The following OSBPL6 variants were observed in gnomAD, a reference collection of about 807,000 sequenced individuals.
OSBPL6 encodes oxysterol binding protein like 6, also known as oxysterol-binding protein-related protein 6.
In OSBPL6, 49 loss-of-function variants were observed where a neutral mutation model predicts 125.8. That is an observed-to-expected ratio of 0.39 (90% CI 0.31 to 0.49). The LOEUF is 0.49. Ranked by LOEUF, OSBPL6 falls within the 20% of genes least tolerant of loss-of-function variation. The probability of loss-of-function intolerance (pLI) is 0.88; values close to 1 mark genes in which losing one functional copy is unlikely to be tolerated. For synonymous variants in OSBPL6, 394 were observed against 391.8 expected, an observed-to-expected ratio of 1.01 and a Z score of -0.07; for missense variants, 986 against 1,135.4, an observed-to-expected ratio of 0.87 and a Z score of 1.89.
intron 2 of OSBPL6, among the ~76,000 whole-genome samples, chr2:178,291,962 T>C (rs1364438512): frequency 6.6e-6 from 1 of 152,068 alleles, no homozygotes; most frequent in Non-Finnish European, 1.5e-5. Flanking sequence ...TGACTTTTAT[T>C]TTAGGTTCAG....
intron 1 of OSBPL6, among the ~76,000 whole-genome samples, chr2:178,267,365 A>C (rs536514373): frequency 1.3e-4 from 20 of 151,314 alleles, no homozygotes; most frequent in Admixed American, 7.9e-4. Context: ...AAAAAAAAAA[A>C]AAAAAAAAAA....
At position 178,397,464 on chromosome 2, in the gene OSBPL6, T is replaced by C. The variant is rs1280239604; in HGVS notation, c.*1905T>C. Reference sequence around the variant, plus strand: ...TTCTGCTCATTCATCTTGATGTTCTTTTTCTGCATCCTGAGATACATGTCG... The same window carrying C: ...TTCTGCTCATTCATCTTGATGTTCTCTTTCTGCATCCTGAGATACATGTCG... On this transcript the variant is annotated 3_prime_UTR_variant, in exon 25 of 25. Coordinates refer to ENST00000190611, the MANE Select transcript of OSBPL6 (RefSeq NM_032523.4). 6.6e-6 allele frequency: 1 copy of C among 152,224 alleles called. No individual in the cohort carries two copies. Among genetic ancestry groups the C allele is most frequent in the Non-Finnish European group, 1.5e-5 (1 of 68,040 alleles). 9.4% of individuals were successfully genotyped at this position (152,224 alleles called of 1,614,324 possible). A position where few individuals can be genotyped will look rare whatever the true frequency, so the allele number is the denominator to read the frequency against.
At chr2:178,225,286 G>C (rs181372102) in intron 1 of OSBPL6, among the ~76,000 whole-genome samples, 16 of 151,904 alleles carry the variant, frequency 1.1e-4, no homozygotes, top group Admixed American at 9.8e-4. Context: ...AAAAAAGGCT[G>C]TGACTCACTG....
rs1486427511 is a variant in OSBPL6, at chr2:178,398,142, A to G, written c.*2583A>G. Reference sequence around the variant, plus strand: ...GTTATAAAATGAAGAGACTTACTCTATTGGAATTTTCATCTACGTAGTATT... The same window carrying G: ...GTTATAAAATGAAGAGACTTACTCTGTTGGAATTTTCATCTACGTAGTATT... On this transcript the variant is annotated 3_prime_UTR_variant, in exon 25 of 25. Coordinates refer to ENST00000190611, the MANE Select transcript of OSBPL6 (RefSeq NM_032523.4). 1 of 152,204 alleles carries G rather than the reference A, an allele frequency of 6.6e-6. No individual in the cohort carries two copies. Among genetic ancestry groups the G allele is most frequent in the Non-Finnish European group, 1.5e-5 (1 of 68,022 alleles). The allele number at this position is 152,204 out of a possible 1,614,324, so 9.4% of individuals were successfully genotyped here. A position where few individuals can be genotyped will look rare whatever the true frequency, so the allele number is the denominator to read the frequency against.
chr2:178,242,090 C>T (rs552224630), intron 1 of OSBPL6, among the ~76,000 whole-genome samples: 1 of 152,288 alleles, frequency 6.6e-6, no homozygotes, highest in African/African-American at 2.4e-5. Context: ...AGACATTTCT[C>T]AGAACATATC....
chr2:178,222,203 T>C lies in OSBPL6; in HGVS notation c.-351+27529T>C, dbSNP rs142893589. 5.5e-3 allele frequency among the ~76,000 whole-genome samples: 835 copies of C among 152,300 alleles called. 8 individuals carry two copies. Among genetic ancestry groups the C allele is most frequent in the African/African-American group, 0.019 (797 of 41,554 alleles). On this transcript the variant is annotated intron_variant, in intron 1 of 24. Coordinates refer to ENST00000190611, the MANE Select transcript of OSBPL6 (RefSeq NM_032523.4). ...CACCAGCCTGGTTTACAGGAATTGA[T>C]GCTGGTGATGTAATTTTAATCCTTG...
At chr2:178,211,556 T>A (rs541264654) in intron 1 of OSBPL6, among the ~76,000 whole-genome samples, 4 of 152,336 alleles carry the variant, frequency 2.6e-5, no homozygotes, top group African/African-American at 9.6e-5. Context: ...CCTTATTTCC[T>A]GACCTCAGCC....
intron 1 of OSBPL6, among the ~76,000 whole-genome samples, chr2:178,261,146 CAAACA>C (rs957167654): frequency 6.6e-6 from 1 of 151,664 alleles, no homozygotes; most frequent in Non-Finnish European, 1.5e-5. Context: ...CAAAACAATA[CAAACA>C]AAACAAAACA....
chr2:178,366,185 C>A (rs1692809093), intron 13 of OSBPL6, among the ~76,000 whole-genome samples: 1 of 152,224 alleles, frequency 6.6e-6, no homozygotes, highest in Non-Finnish European at 1.5e-5. Context: ...AACCACTGCA[C>A]CCAGCTTATG....
chr2:178,305,144 G>C (rs533873886), intron 2 of OSBPL6, among the ~76,000 whole-genome samples: 197 of 152,250 alleles, frequency 1.3e-3, no homozygotes, highest in Non-Finnish European at 2.4e-3. Context: ...GCATTAAGAT[G>C]GGGGCTAGAA....
chr2:178,307,192 T>C (rs1212358590), intron 3 of OSBPL6, among the ~76,000 whole-genome samples: 1 of 152,194 alleles, frequency 6.6e-6, no homozygotes, highest in Non-Finnish European at 1.5e-5. Context: ...ACCTAGATTC[T>C]AGGAGTGTGA....
At position 178,401,234 on chromosome 2, in the gene OSBPL6, C is replaced by T. The variant is rs149585194; in HGVS notation, c.*5675C>T. 7.9e-5 allele frequency: 12 copies of T among 152,332 alleles called. No homozygotes were observed. Among genetic ancestry groups the T allele is most frequent in the African/African-American group, 2.9e-4 (12 of 41,566 alleles). 9.4% of individuals were successfully genotyped at this position (152,332 alleles called of 1,614,324 possible). On this transcript the variant is annotated 3_prime_UTR_variant, in exon 25 of 25. Transcript: ENST00000190611. Reference sequence around the variant, plus strand: ...GAAATGATATTTTGATGATGATGATCAGGGAAGTAGCCTATGCTGATTTAT... The same window carrying T: ...GAAATGATATTTTGATGATGATGATTAGGGAAGTAGCCTATGCTGATTTAT...
intron 1 of OSBPL6, among the ~76,000 whole-genome samples, chr2:178,262,311 T>C (rs1268659970): frequency 2.6e-5 from 4 of 152,190 alleles, no homozygotes; most frequent in Non-Finnish European, 1.5e-5. Flanking sequence ...TGAAGTAAAT[T>C]TGTTAAATAT....
At chr2:178,374,961 C>G (rs6738847) in intron 15 of OSBPL6, among the ~76,000 whole-genome samples, 84,225 of 151,378 alleles carry the variant, frequency 0.56, 23,767 homozygotes, top group East Asian at 0.88. Context: ...CAGAATTTGT[C>G]AGCATACCAA....
At chr2:178,241,517 G>A (rs578135261) in intron 1 of OSBPL6, among the ~76,000 whole-genome samples, 3 of 151,714 alleles carry the variant, frequency 2.0e-5, no homozygotes, top group Admixed American at 6.6e-5. Context: ...CTGGGTTCAA[G>A]TGAATCTCCT....
chr2:178,277,332 A>T (rs2092490136), intron 1 of OSBPL6, among the ~76,000 whole-genome samples: 1 of 152,224 alleles, frequency 6.6e-6, no homozygotes, highest in South Asian at 2.1e-4. Flanking sequence ...CAGAATTCTT[A>T]GCTGTATGAT....
At chr2:178,332,846 T>C (rs1160738286) in intron 7 of OSBPL6, 25 bp from the exon 8 acceptor site, 2 of 1,608,846 alleles carry the variant, frequency 1.2e-6, no homozygotes, top group Non-Finnish European at 1.7e-6. Flanking sequence ...TTACAATTAC[T>C]TTCTCCTCTC....
intron 1 of OSBPL6, among the ~76,000 whole-genome samples, chr2:178,195,271 C>G (rs935077438): frequency 1.3e-5 from 2 of 152,212 alleles, no homozygotes; most frequent in Non-Finnish European, 2.9e-5. Flanking sequence ...TGCTGGCGCC[C>G]CTGCAGCCCT....
At chr2:178,205,588 A>G (rs2089483335) in intron 1 of OSBPL6, among the ~76,000 whole-genome samples, 1 of 152,232 alleles carries the variant, frequency 6.6e-6, no homozygotes, top group Admixed American at 6.5e-5. Flanking sequence ...ATAAAGGAAA[A>G]CAATAGACAA....
Sources: gnomAD v4.1 joint callset for allele counts (sites outside exome capture counted in the v4.1 genomes callset) on GRCh38, gnomAD v4.1.1 for gene constraint, MANE v1.5 for transcripts, NCBI Gene and HGNC (gene_info 2026-07-23, HGNC 2026-07-21) for gene names.